RB1: variants seen among roughly 807,000 people sequenced by gnomAD.
RB1 encodes the protein RB transcriptional corepressor 1.
RB1 carries 18 observed loss-of-function variants against 135.4 expected under a neutral mutation model. The observed-to-expected ratio is 0.13, with a 90% CI of 0.09 to 0.20. The LOEUF is 0.20. RB1 is among the 10% of genes least tolerant of loss of function. RB1 has a pLI of 1.00. For missense variants in RB1, 868 were observed against 1,110.0 expected, an observed-to-expected ratio of 0.78 and a Z score of 3.10; for synonymous variants, 365 against 373.2, an observed-to-expected ratio of 0.98 and a Z score of 0.25.
chr13:48,330,593 T>C (rs1329429061), intron 2 of RB1, among the ~76,000 whole-genome samples: 1 of 152,092 alleles, frequency 6.6e-6, no homozygotes, highest in Non-Finnish European at 1.5e-5. Flanking sequence ...TACTACCTGC[T>C]AAGACTGAAT....
At chr13:48,418,138 C>T (rs1948945270) in intron 17 of RB1, among the ~76,000 whole-genome samples, 1 of 152,074 alleles carries the variant, frequency 6.6e-6, no homozygotes, top group Non-Finnish European at 1.5e-5. Context: ...AGAGAAAGGT[C>T]GGGTTACCTA....
chr13:48,316,141 G>C (rs1466893154), intron 2 of RB1, among the ~76,000 whole-genome samples: 1 of 152,084 alleles, frequency 6.6e-6, no homozygotes, highest in Non-Finnish European at 1.5e-5. Context: ...TGACATCCGC[G>C]GGGATTTCAC....
At chr13:48,454,801 A>G (rs1949350176) in intron 18 of RB1, among the ~76,000 whole-genome samples, 1 of 152,212 alleles carries the variant, frequency 6.6e-6, no homozygotes. Context: ...GGCAGAACAA[A>G]CAGCAAGTGC....
At chr13:48,455,747 A>T (rs903608138) in intron 18 of RB1, among the ~76,000 whole-genome samples, 1 of 152,212 alleles carries the variant, frequency 6.6e-6, no homozygotes, top group Non-Finnish European at 1.5e-5. Flanking sequence ...GTATTAATTC[A>T]TAGAATTCTG....
chr13:48,378,499 A>AGAGCTGTCAACTCCTAT (rs1952851083), intron 13 of RB1, among the ~76,000 whole-genome samples: 1 of 152,068 alleles, frequency 6.6e-6, no homozygotes, highest in Non-Finnish European at 1.5e-5. Flanking sequence ...TAAAATGCAT[A>AGAGCTGTCAACTCCTAT]GAGCTGTCAA....
At chr13:48,339,640 C>A (rs1952424424) in intron 2 of RB1, among the ~76,000 whole-genome samples, 1 of 152,172 alleles carries the variant, frequency 6.6e-6, no homozygotes, top group Non-Finnish European at 1.5e-5. Flanking sequence ...TGATGCCTCG[C>A]CCTGCTTTGG....
chr13:48,347,794 T>G, intron 4 of RB1, 31 bp from the exon 5 acceptor site: 1 of 1,511,394 alleles, frequency 6.6e-7, no homozygotes, highest in Non-Finnish European at 9.2e-7. Context: ...TACGAAAAAA[T>G]GTTAAAAAGT....
Position 48,381,701 on chromosome 13 carries a change from AT to A in RB1, c.1695+268del, listed in dbSNP as rs200594775. On this transcript the variant is annotated intron_variant, in intron 17 of 26. Coordinates refer to ENST00000267163, the MANE Select transcript of RB1 (RefSeq NM_000321.3). ...AACATGCCACTTTAAAACAAAACGG[AT>A]TTTTTTTTTATACTTTAAGTTCTAG... Among the ~76,000 whole-genome samples, 1,800 of 149,762 alleles carry A rather than the reference AT, an allele frequency of 0.012. 39 individuals are homozygous for A. The highest frequency in any genetic ancestry group is 0.042 in the African/African-American group (1,699 of 40,930).
chr13:48,479,088 C>A (rs1446616642), intron 26 of RB1, among the ~76,000 whole-genome samples: 4 of 152,000 alleles, frequency 2.6e-5, no homozygotes, highest in Admixed American at 2.0e-4. Context: ...ATTAGCCAGG[C>A]CTGGTGGCAT....
intron 17 of RB1, among the ~76,000 whole-genome samples, chr13:48,415,260 G>A (rs1156593927): frequency 6.6e-6 from 1 of 151,138 alleles, no homozygotes; most frequent in Non-Finnish European, 1.5e-5. Context: ...TTCATCTATA[G>A]TTTTTTCTTT....
chr13:48,473,558 G>T (rs1949485820), intron 24 of RB1, among the ~76,000 whole-genome samples, 168 bp downstream of exon 24: 1 of 152,054 alleles, frequency 6.6e-6, no homozygotes, highest in Non-Finnish European at 1.5e-5. Context: ...TTCAAATCAA[G>T]TTTAATCTCA....
At chr13:48,371,755 A>G (rs1952760719) in intron 11 of RB1, among the ~76,000 whole-genome samples, 1 of 152,116 alleles carries the variant, frequency 6.6e-6, no homozygotes, top group Non-Finnish European at 1.5e-5. Context: ...TGCTAGCATT[A>G]AGGACTAGAC....
At chr13:48,466,043 G>C (rs1317570718) in intron 23 of RB1, among the ~76,000 whole-genome samples, 2 of 150,736 alleles carry the variant, frequency 1.3e-5, no homozygotes, top group Non-Finnish European at 3.0e-5. Context: ...GCTCGAACTG[G>C]GTGGAGCCCA....
chr13:48,424,696 C>A (rs1949054605), intron 17 of RB1, among the ~76,000 whole-genome samples: 1 of 152,114 alleles, frequency 6.6e-6, no homozygotes, highest in African/African-American at 2.4e-5. Flanking sequence ...TCATCAGTTC[C>A]TTTTCTGTAC....
intron 17 of RB1, among the ~76,000 whole-genome samples, chr13:48,421,388 A>G (rs1332495931): frequency 6.6e-6 from 1 of 152,226 alleles, no homozygotes; most frequent in Non-Finnish European, 1.5e-5. Flanking sequence ...AAAGAGTTAA[A>G]TGTAAGACCT....
chr13:48,413,828 T>C (rs141618583), intron 17 of RB1, among the ~76,000 whole-genome samples: 1 of 152,318 alleles, frequency 6.6e-6, no homozygotes, highest in Non-Finnish European at 1.5e-5. Flanking sequence ...AAATTGCATC[T>C]TTTTAAGCAA....
chr13:48,440,665 A>G (rs1218981070), intron 17 of RB1, among the ~76,000 whole-genome samples: 1 of 152,216 alleles, frequency 6.6e-6, no homozygotes, highest in East Asian at 1.9e-4. Context: ...GTTTTAACCA[A>G]GAAGAACTTA....
intron 17 of RB1, among the ~76,000 whole-genome samples, chr13:48,439,232 T>C (rs1949213502): frequency 6.6e-6 from 1 of 152,186 alleles, no homozygotes; most frequent in Non-Finnish European, 1.5e-5. Context: ...ACATATCTAC[T>C]TTATGGACGT....
rs375853678 is a variant in RB1, at chr13:48,322,835, T to C, written c.264+15429T>C. Among the ~76,000 whole-genome samples, 14 of 152,336 alleles carry C rather than the reference T, an allele frequency of 9.2e-5. No individual in the cohort carries two copies. In the East Asian group the frequency reaches 2.7e-3, roughly 29 times the overall value. On this transcript the variant is annotated intron_variant, in intron 2 of 26. Coordinates refer to ENST00000267163, the MANE Select transcript of RB1 (RefSeq NM_000321.3). ...AGTATATTAGTTGATTTTCAGGTGTTAAACCAACATTGCATCTCTGGAATA... is the reference window on the plus strand; with the variant it reads ...AGTATATTAGTTGATTTTCAGGTGTCAAACCAACATTGCATCTCTGGAATA...
Sources: gnomAD v4.1 joint callset for allele counts (sites outside exome capture counted in the v4.1 genomes callset) on GRCh38, gnomAD v4.1.1 for gene constraint, MANE v1.5 for transcripts, NCBI Gene and HGNC (gene_info 2026-07-23, HGNC 2026-07-21) for gene names.